CHRNA7: variants seen among roughly 807,000 people sequenced by gnomAD.
CHRNA7 encodes cholinergic receptor nicotinic alpha 7 subunit, also known as neuronal acetylcholine receptor subunit alpha-7.
In CHRNA7, 17 loss-of-function variants were observed where a neutral mutation model predicts 48.0. The ratio of observed to expected loss-of-function variants is 0.35; its 90% CI spans 0.24 to 0.53. The LOEUF (loss-of-function observed/expected upper bound fraction) is 0.53. Ranked by LOEUF, CHRNA7 falls within the 20% of genes least tolerant of loss-of-function variation. The probability of loss-of-function intolerance (pLI) is 0.92; values close to 1 mark genes in which losing one functional copy is unlikely to be tolerated. For missense variants in CHRNA7, 155 were observed against 577.7 expected (o/e 0.27, Z 7.50); for synonymous variants, 75 against 242.3 (o/e 0.31, Z 6.41).
Position 32,043,508 on chromosome 15 carries a change from G to A in CHRNA7, c.195+12471G>A, listed in dbSNP as rs1595377441. Reference sequence around the variant, plus strand: ...TTCTAATTTTCTCTTCTATTAGTTTGTTAGTCATATTTCTTTCTTTTTGTC... The same window carrying A: ...TTCTAATTTTCTCTTCTATTAGTTTATTAGTCATATTTCTTTCTTTTTGTC... On this transcript the variant is annotated intron_variant, in intron 2 of 9. Coordinates refer to ENST00000306901, the MANE Select transcript of CHRNA7 (RefSeq NM_000746.6). Among the ~76,000 whole-genome samples, 3 of 151,562 alleles carry A rather than the reference G, an allele frequency of 2.0e-5. No individual in the cohort carries two copies. The East Asian group carries it at 5.8e-4, about 29-fold the overall frequency.
chr15:32,120,643 C>T (rs994875388), intron 4 of CHRNA7, among the ~76,000 whole-genome samples: 5 of 151,776 alleles, frequency 3.3e-5, no homozygotes, highest in East Asian at 2.0e-4. Flanking sequence ...ACAGGTGCTG[C>T]GGTGAATAGA....
chr15:32,091,731 G>A (rs2050385593), intron 2 of CHRNA7, among the ~76,000 whole-genome samples: 1 of 152,110 alleles, frequency 6.6e-6, no homozygotes. Context: ...GGCTCTCTGT[G>A]AATAACACTG....
chr15:32,119,641 AAT>A (rs1428901706), intron 4 of CHRNA7, among the ~76,000 whole-genome samples: 9 of 152,160 alleles, frequency 5.9e-5, no homozygotes, highest in Admixed American at 5.9e-4. Context: ...TTTAAAAAAA[AAT>A]ATTTATTCAT....
chr15:32,035,267 A>G (rs1371372830), intron 2 of CHRNA7, among the ~76,000 whole-genome samples: 2 of 152,068 alleles, frequency 1.3e-5, no homozygotes, highest in South Asian at 2.1e-4. Flanking sequence ...TTTCTCCTTT[A>G]TTTGTGCTGT....
chr15:32,090,729 G>A (rs1267559303), intron 2 of CHRNA7, among the ~76,000 whole-genome samples: 4 of 152,094 alleles, frequency 2.6e-5, no homozygotes, highest in African/African-American at 9.7e-5. Flanking sequence ...AAAAATGATG[G>A]AGGTTTGAAT....
chr15:32,082,470 T>G lies in CHRNA7; in HGVS notation c.196-18833T>G, dbSNP rs1015795856. On this transcript the variant is annotated intron_variant, in intron 2 of 9. Coordinates refer to ENST00000306901, the MANE Select transcript of CHRNA7 (RefSeq NM_000746.6). ...GTAATTCTTAGTAAAGCAGGTTATA[T>G]GTAAGATGAGAATGTTTTAGAGAAC... 3.9e-5 allele frequency among the ~76,000 whole-genome samples: 6 copies of G among 152,174 alleles called. No individual in the cohort carries two copies. In the South Asian group the frequency reaches 6.2e-4, roughly 16 times the overall value.
rs553390965 is a variant in CHRNA7 at position 32,035,086 on chromosome 15, T to C, written c.195+4049T>C. The stretch of plus-strand genomic sequence containing the variant: ...AACATCATGAATATACATCAATAAA[T>C]TTGCTAAGTGAAAGTGCCTAAATTA... On this transcript the variant is annotated intron_variant, in intron 2 of 9. Coordinates refer to ENST00000306901, the MANE Select transcript of CHRNA7 (RefSeq NM_000746.6). Among the ~76,000 whole-genome samples the C allele has an allele frequency of 3.3e-5, 5 of 152,320 alleles. No individual in the cohort carries two copies. In the East Asian group the frequency reaches 7.7e-4, roughly 23 times the overall value.
chr15:32,040,598 ATGTG>A (rs1332326333), intron 2 of CHRNA7, among the ~76,000 whole-genome samples: 1 of 92,106 alleles, frequency 1.1e-5, no homozygotes, highest in Admixed American at 9.7e-5. Context: ...GTGTGTGTAT[ATGTG>A]TGTATGTGTG....
chr15:32,030,850 C>A, intron 1 of CHRNA7, 48 bp from the exon 2 acceptor site: 1 of 1,592,980 alleles, frequency 6.3e-7, no homozygotes, highest in East Asian at 2.3e-5. Context: ...TCGGGGGTAC[C>A]CCCGCCGGCC....
rs372770406 is a variant in CHRNA7 at position 32,068,727 on chromosome 15, A to G, written c.196-32576A>G. On this transcript the variant is annotated intron_variant, in intron 2 of 9. Coordinates refer to ENST00000306901, the MANE Select transcript of CHRNA7 (RefSeq NM_000746.6). ...GGCAGAGCAAGACTCCATCTCGGGG[A>G]AAAAAAAAAAGAAAAAAGTGTTACT... is the stretch of plus-strand genomic sequence containing the variant. Among the ~76,000 whole-genome samples the G allele has an allele frequency of 6.6e-3, 984 of 149,516 alleles. 17 individuals carry two copies. Among genetic ancestry groups the G allele is most frequent in the African/African-American group, 0.022 (877 of 40,768 alleles).
chr15:32,100,612 G>C (rs78233025), intron 2 of CHRNA7: 1 of 154,508 alleles, frequency 6.5e-6, no homozygotes, highest in Non-Finnish European at 1.5e-5. Flanking sequence ...TGGAAATGTA[G>C]GAAAATAAGC....
chr15:32,110,710 C>T (rs2050749511), intron 3 of CHRNA7, among the ~76,000 whole-genome samples: 1 of 152,180 alleles, frequency 6.6e-6, no homozygotes, highest in South Asian at 2.1e-4. Context: ...GTTTTCGTAA[C>T]TTTGCGTCAA....
intron 4 of CHRNA7, among the ~76,000 whole-genome samples, chr15:32,151,033 T>A (rs913411450): frequency 1.3e-5 from 2 of 151,662 alleles, no homozygotes; most frequent in African/African-American, 4.8e-5. Context: ...TTTTCCCCCT[T>A]ATCCCCCTTT....
At chr15:32,043,926 C>G (rs1177805460) in intron 2 of CHRNA7, among the ~76,000 whole-genome samples, 1 of 152,048 alleles carries the variant, frequency 6.6e-6, no homozygotes, top group African/African-American at 2.4e-5. Context: ...TGTGATAATT[C>G]AGAAATACAG....
chr15:32,121,475 C>T (rs560415094), intron 4 of CHRNA7, among the ~76,000 whole-genome samples: 1 of 152,350 alleles, frequency 6.6e-6, no homozygotes, highest in East Asian at 1.9e-4. Context: ...GGCCTTGACT[C>T]CACATCCTCG....
At chr15:32,148,705 G>A (rs2051546826) in intron 4 of CHRNA7, among the ~76,000 whole-genome samples, 2 of 152,200 alleles carry the variant, frequency 1.3e-5, no homozygotes, top group Non-Finnish European at 2.9e-5. Context: ...TCCTGCCTGG[G>A]GGGCCAAGCA....
At chr15:32,133,295 T>C (rs1001441222) in intron 4 of CHRNA7, among the ~76,000 whole-genome samples, 19 of 152,222 alleles carry the variant, frequency 1.2e-4, no homozygotes, top group African/African-American at 4.3e-4. Flanking sequence ...ATGGACATAC[T>C]TTTTAAAAAA....
chr15:32,168,934 C>CT lies in CHRNA7; in HGVS notation c.*477dup, dbSNP rs1374520695. 1 of 118,614 alleles carries CT rather than the reference C, an allele frequency of 8.4e-6. No individual in the cohort carries two copies. Among genetic ancestry groups the CT allele is most frequent in the Non-Finnish European group, 1.8e-5 (1 of 56,634 alleles). The allele number at this position is 118,614 out of a possible 1,614,324, so 7.3% of individuals were successfully genotyped here. On this transcript the variant is annotated 3_prime_UTR_variant, in exon 10 of 10. Coordinates refer to ENST00000306901, the MANE Select transcript of CHRNA7 (RefSeq NM_000746.6). ...GTGGAAGGAAAACAAAAAACAAAAACTAAAAACCTCTTAGCTTTTCTGCAA... is the reference window on the plus strand; with the variant it reads ...GTGGAAGGAAAACAAAAAACAAAAACTTAAAAACCTCTTAGCTTTTCTGCAA...
intron 3 of CHRNA7, among the ~76,000 whole-genome samples, chr15:32,106,028 C>A (rs2050663478): frequency 6.6e-6 from 1 of 152,188 alleles, no homozygotes; most frequent in Non-Finnish European, 1.5e-5. Context: ...CAGGAGTCAC[C>A]AGAGCAAGCT....
Sources: allele counts gnomAD v4.1 joint callset (sites outside exome capture counted in the v4.1 genomes callset), GRCh38; gene constraint gnomAD v4.1.1; transcripts MANE v1.5; gene names NCBI Gene and HGNC (gene_info 2026-07-23, HGNC 2026-07-21).